The following WNK2 variants were observed in gnomAD, a reference collection of about 807,000 sequenced individuals.
WNK2 encodes the protein serine/threonine-protein kinase WNK2.
In WNK2, 67 loss-of-function variants were observed where a neutral mutation model predicts 192.1. That is an observed-to-expected ratio of 0.35 (90% CI 0.29 to 0.43). The LOEUF is 0.43. WNK2 is among the 20% of genes least tolerant of loss of function. The pLI, the probability that WNK2 is intolerant of heterozygous loss-of-function variation, is 1.00. For missense variants in WNK2, 2,698 were observed against 3,089.7 expected (o/e 0.87, Z 3.01); for synonymous variants, 1,439 against 1,393.9 (o/e 1.03, Z -0.72).
At chr9:93,284,786 G>A (rs55706397) in intron 19 of WNK2, among the ~76,000 whole-genome samples, 6,358 of 152,278 alleles carry the variant, frequency 0.042, 191 homozygotes, top group East Asian at 0.15. Context: ...TTGTAAATAT[G>A]TATAAGGAAG....
chr9:93,215,969 G>A (rs891954512), intron 2 of WNK2, among the ~76,000 whole-genome samples: 4 of 152,156 alleles, frequency 2.6e-5, no homozygotes, highest in Middle Eastern at 3.4e-3. Context: ...ACTTTTTACC[G>A]CCTCTAGTAG....
At chr9:93,318,002 C>T (rs538274602) in intron 29 of WNK2, 21 of 1,612,760 alleles carry the variant, frequency 1.3e-5, no homozygotes, top group Middle Eastern at 1.7e-4. Flanking sequence ...GCTTCCTTTG[C>T]GGCTTCAGAC....
intron 19 of WNK2, among the ~76,000 whole-genome samples, chr9:93,275,371 C>T (rs1327418779): frequency 1.3e-5 from 2 of 151,458 alleles, no homozygotes; most frequent in East Asian, 3.9e-4. Flanking sequence ...CCAGCCTGGG[C>T]AACATAGCAA....
At chr9:93,224,213 A>G (rs1169012306) in intron 2 of WNK2, among the ~76,000 whole-genome samples, 1 of 152,220 alleles carries the variant, frequency 6.6e-6, no homozygotes, top group African/African-American at 2.4e-5. Flanking sequence ...GGTGGGACCC[A>G]GTTCTGCCCC....
chr9:93,318,271 G>T (rs544222075), intron 29 of WNK2: 1 of 1,506,434 alleles, frequency 6.6e-7, no homozygotes, highest in African/African-American at 1.4e-5. Context: ...TGAAGCTGAA[G>T]TTCAATCTTT....
chr9:93,315,814 T>C (rs1263955727), intron 28 of WNK2: 2 of 151,046 alleles, frequency 1.3e-5, no homozygotes, highest in Non-Finnish European at 2.9e-5. Context: ...TGTGTGTGTG[T>C]GTGTGTGTGT....
intron 21 of WNK2, among the ~76,000 whole-genome samples, chr9:93,290,950 A>G (rs1341091726): frequency 6.6e-6 from 1 of 152,218 alleles, no homozygotes; most frequent in African/African-American, 2.4e-5. Flanking sequence ...TGGGCACACT[A>G]TGAATCAGGA....
intron 2 of WNK2, among the ~76,000 whole-genome samples, chr9:93,223,800 GA>G (rs1245438295): frequency 6.6e-6 from 1 of 152,236 alleles, no homozygotes; most frequent in Admixed American, 6.5e-5. Context: ...AGTGTGTGGG[GA>G]TGCCAAGCCT....
chr9:93,320,271 C>G (rs891864972), intron 29 of WNK2, 96 bp from the exon 30 acceptor site: 5 of 1,315,114 alleles, frequency 3.8e-6, no homozygotes, highest in Non-Finnish European at 4.1e-6. Context: ...GCAGCCTTCC[C>G]GTCGGCAGCT....
At position 93,229,996 on chromosome 9, in the gene WNK2, C is replaced by G. The variant is rs1404967576; in HGVS notation, c.854+128C>G. The G allele has an allele frequency of 2.5e-6, 3 of 1,188,290 alleles. No individual in the cohort carries two copies. Among genetic ancestry groups the G allele is most frequent in the Non-Finnish European group, 3.5e-6 (3 of 861,238 alleles). 73.6% of individuals were successfully genotyped at this position (1,188,290 alleles called of 1,614,324 possible). ...CCTGTGGGAGGCTGTCTCCTCTTTC[C>G]TCTCCTGCATGGGATGCCAGGAGGT... On this transcript the variant is annotated intron_variant, in intron 3 of 29. Coordinates refer to ENST00000427277, the MANE Select transcript of WNK2 (RefSeq NM_006648.4). The surrounding 1 kb of genome is among the most constrained non-coding windows in gnomAD (Gnocchi z 4.9).
In WNK2 at chr9:93,288,875, G is replaced by A. The variant is rs943673314; in HGVS notation, c.4121G>A (p.Ser1374Asn). ...SQQLLSQAGP[S>N]NPPGAPPAPL... ...CAGCTCCTGAGCCAGGCGGGCCCCAGCAACCCTCCTGGGGCACCCCCAGCC... is the reference window on the plus strand; with the variant it reads ...CAGCTCCTGAGCCAGGCGGGCCCCAACAACCCTCCTGGGGCACCCCCAGCC... The change falls in exon 20 of 30, where the codon AGC becomes AAC. Residue 1374 changes from serine to asparagine, a missense_variant. Around this residue, in one of 7 missense-constraint regions of WNK2, gnomAD observed 1,098 missense variants for 1,101.0 expected, o/e 1.00. Transcript: ENST00000427277. The A allele has an allele frequency of 6.2e-7, 1 of 1,611,620 alleles. No individual in the cohort carries two copies. The highest frequency in any genetic ancestry group is 2.2e-5 in the East Asian group (1 of 44,844).
intron 21 of WNK2, 117 bp from the exon 22 acceptor site, chr9:93,292,191 C>G: frequency 9.7e-7 from 1 of 1,027,022 alleles, no homozygotes; most frequent in Non-Finnish European, 1.5e-6. Flanking sequence ...CTTCCATTGT[C>G]CTGCCTGTCT....
chr9:93,256,185 G>C, intron 9 of WNK2, 114 bp from the exon 10 acceptor site: 1 of 1,256,056 alleles, frequency 8.0e-7, no homozygotes. Context: ...CCTGGGAAGA[G>C]GGACCCTGGT....
chr9:93,303,586 T>C (rs1400287483), intron 26 of WNK2, among the ~76,000 whole-genome samples: 4 of 151,854 alleles, frequency 2.6e-5, no homozygotes, highest in Admixed American at 1.3e-4. Context: ...GGCCTCGGGG[T>C]GGAGGGCATC....
Position 93,299,196 on chromosome 9 carries a change from G to C in WNK2, c.6050G>C (p.Arg2017Pro). The C allele has an allele frequency of 6.2e-7, 1 of 1,601,504 alleles. No homozygotes were observed. Among genetic ancestry groups the C allele is most frequent in the Non-Finnish European group, 8.5e-7 (1 of 1,171,332 alleles). Residue 2017 changes from arginine (R) to proline (P), a missense_variant, in exon 25 of 30, where the codon CGG (arginine) becomes CCG (proline). Around this residue, in one of 7 missense-constraint regions of WNK2, gnomAD observed 1,098 missense variants for 1,101.0 expected, o/e 1.00. Coordinates refer to ENST00000427277, the MANE Select transcript of WNK2 (RefSeq NM_006648.4). ...AVQTQQPCSV[R>P]ASLSSDICSG... ...CAGACCCAGCAGCCCTGCTCCGTCC[G>C]GGCCTCCCTGTCTTCGGACATCTGC...
chr9:93,277,508 A>G (rs1443025796), intron 19 of WNK2, among the ~76,000 whole-genome samples: 1 of 152,228 alleles, frequency 6.6e-6, no homozygotes, highest in African/African-American at 2.4e-5. Context: ...GGTACTTTGA[A>G]AAAGAAATAT....
At chr9:93,310,292 G>A (rs1019712480) in intron 28 of WNK2, among the ~76,000 whole-genome samples, 2 of 152,144 alleles carry the variant, frequency 1.3e-5, no homozygotes, top group African/African-American at 2.4e-5. Flanking sequence ...ACAGCTCTGC[G>A]AGGCTGCACC....
intron 28 of WNK2, among the ~76,000 whole-genome samples, chr9:93,310,066 G>T (rs534288887): frequency 6.6e-6 from 1 of 152,210 alleles, no homozygotes; most frequent in South Asian, 2.1e-4. Flanking sequence ...CTCTTGACCC[G>T]GCTGTCAGTC....
intron 19 of WNK2, among the ~76,000 whole-genome samples, chr9:93,269,908 A>G (rs1845782404): frequency 6.6e-6 from 1 of 152,248 alleles, no homozygotes; most frequent in Non-Finnish European, 1.5e-5. Flanking sequence ...TAACCAAAAA[A>G]TGATAAAAGT....
Sources: allele counts gnomAD v4.1 joint callset (sites outside exome capture counted in the v4.1 genomes callset), GRCh38; gene constraint gnomAD v4.1.1; regional missense constraint gnomAD v4.1.1; non-coding constraint Gnocchi (gnomAD v3.1); transcripts MANE v1.5; gene names NCBI Gene and HGNC (gene_info 2026-07-23, HGNC 2026-07-21).